SEMA5A: variants seen among roughly 807,000 people sequenced by gnomAD.
SEMA5A encodes the protein semaphorin 5A.
In SEMA5A, 55 loss-of-function variants were observed where a neutral mutation model predicts 135.5. That is an observed-to-expected ratio of 0.41 (90% CI 0.33 to 0.51). SEMA5A has a LOEUF of 0.51. Among genes scored for constraint, SEMA5A ranks in the 20% least tolerant of loss-of-function variants. The probability of loss-of-function intolerance (pLI) is 0.37; values close to 1 mark genes in which losing one functional copy is unlikely to be tolerated. For synonymous variants in SEMA5A, 580 were observed against 546.5 expected, an observed-to-expected ratio of 1.06 and a Z score of -0.85; for missense variants, 1,290 against 1,419.9, an observed-to-expected ratio of 0.91 and a Z score of 1.47.
chr5:9,356,501 G>C (rs562676585), intron 3 of SEMA5A, among the ~76,000 whole-genome samples: 1 of 152,198 alleles, frequency 6.6e-6, no homozygotes. Context: ...AAAAGAAAAG[G>C]CTGCACACAG....
intron 5 of SEMA5A, among the ~76,000 whole-genome samples, chr5:9,245,368 TA>T (rs1213613861): frequency 6.6e-6 from 1 of 152,126 alleles, no homozygotes; most frequent in Non-Finnish European, 1.5e-5. Context: ...CTATCCCCCG[TA>T]GATAAGAGAG....
intron 12 of SEMA5A, among the ~76,000 whole-genome samples, chr5:9,154,063 ATAT>A (rs1248632705): frequency 0.016 from 1,228 of 75,390 alleles, 39 homozygotes; most frequent in African/African-American, 0.026. Flanking sequence ...AAAAAAAAAA[ATAT>A]ATATATATAT....
intron 2 of SEMA5A, among the ~76,000 whole-genome samples, chr5:9,436,755 C>T (rs1184625007): frequency 6.6e-6 from 1 of 152,188 alleles, no homozygotes; most frequent in African/African-American, 2.4e-5. Context: ...TTGTCACTTT[C>T]TCTCACTTTA....
At chr5:9,355,172 C>T (rs1190399353) in intron 3 of SEMA5A, among the ~76,000 whole-genome samples, 7 of 152,134 alleles carry the variant, frequency 4.6e-5, no homozygotes, top group Non-Finnish European at 5.9e-5. Context: ...GGCTGGGTTC[C>T]ACTAAGACAA....
chr5:9,382,540 G>A (rs1755661335), intron 2 of SEMA5A, among the ~76,000 whole-genome samples: 1 of 152,120 alleles, frequency 6.6e-6, no homozygotes, highest in Admixed American at 6.6e-5. Context: ...AAACAAATGG[G>A]GAGGAAGGAA....
intron 3 of SEMA5A, chr5:9,363,486 A>C (rs1203824484): frequency 1.3e-5 from 2 of 152,210 alleles, no homozygotes; most frequent in African/African-American, 4.8e-5. Context: ...TGCCTGAGTG[A>C]GAGAAGTTCT....
At chr5:9,050,925 G>A (rs1160947848) in intron 20 of SEMA5A, among the ~76,000 whole-genome samples, 1 of 152,186 alleles carries the variant, frequency 6.6e-6, no homozygotes, top group Non-Finnish European at 1.5e-5. Flanking sequence ...TCTTCAGGAG[G>A]CCACTGATGC....
chr5:9,103,269 CCCTA>C (rs1739726328), intron 16 of SEMA5A, among the ~76,000 whole-genome samples: 1 of 152,126 alleles, frequency 6.6e-6, no homozygotes, highest in Admixed American at 6.5e-5. Flanking sequence ...ATTCTGCAGA[CCCTA>C]ATGTGCTACA....
At chr5:9,515,683 T>C (rs1462836975) in intron 1 of SEMA5A, among the ~76,000 whole-genome samples, 1 of 152,196 alleles carries the variant, frequency 6.6e-6, no homozygotes, top group East Asian at 1.9e-4. Context: ...GAATAGCAGC[T>C]GTCAGGAAGG....
At chr5:9,308,747 C>G (rs545670260) in intron 5 of SEMA5A, among the ~76,000 whole-genome samples, 51 of 152,230 alleles carry the variant, frequency 3.4e-4, no homozygotes, top group African/African-American at 1.2e-3. Flanking sequence ...AGCTCTACCA[C>G]CTATCAGATG....
intron 3 of SEMA5A, among the ~76,000 whole-genome samples, chr5:9,371,292 C>T (rs1001784125): frequency 3.3e-5 from 5 of 152,004 alleles, no homozygotes; most frequent in Non-Finnish European, 5.9e-5. Flanking sequence ...CTCAATAAAC[C>T]ATTTTCGTCA....
At chr5:9,323,409 C>T (rs1206184597) in intron 4 of SEMA5A, among the ~76,000 whole-genome samples, 2 of 151,876 alleles carry the variant, frequency 1.3e-5, no homozygotes, top group Admixed American at 1.3e-4. Context: ...AAAATAGATA[C>T]AATAATTCTT....
intron 4 of SEMA5A, among the ~76,000 whole-genome samples, chr5:9,322,761 G>T (rs1752687028): frequency 6.6e-6 from 1 of 152,212 alleles, no homozygotes; most frequent in African/African-American, 2.4e-5. Flanking sequence ...GGTGTCCTTT[G>T]TCCCATTATG....
chr5:9,046,376 ACCCCAGTCTGTCTCCT>A (rs1476646842), intron 21 of SEMA5A, among the ~76,000 whole-genome samples: 2 of 151,760 alleles, frequency 1.3e-5, no homozygotes, highest in African/African-American at 4.8e-5. Context: ...CATCGTAACC[ACCCCAGTCTGTCTCCT>A]CCCCAGGGAT....
rs1735997890 is a variant in SEMA5A, at chr5:9,042,172, T to A, written c.*725A>T. 1 of 152,320 alleles carries A rather than the reference T, an allele frequency of 6.6e-6. No individual in the cohort carries two copies. Among genetic ancestry groups the A allele is most frequent in the Admixed American group, 6.5e-5 (1 of 15,278 alleles). The allele number at this position is 152,320 out of a possible 1,614,324, so 9.4% of individuals were successfully genotyped here. A position where few individuals can be genotyped will look rare whatever the true frequency, so the allele number is the denominator to read the frequency against. ...ATCCAAAAGTCAGAATAAGGTGAGT[T>A]TTGCAGCAACCTGCAGAACACATCC... On this transcript the variant is annotated 3_prime_UTR_variant, in exon 23 of 23. Transcript: ENST00000382496.
chr5:9,511,707 AAAAG>A (rs1736214370), intron 1 of SEMA5A, among the ~76,000 whole-genome samples: 1 of 152,254 alleles, frequency 6.6e-6, no homozygotes, highest in African/African-American at 2.4e-5. Context: ...CACCACAAAA[AAAAG>A]AAAGATAAGT....
chr5:9,221,335 CTG>C (rs1746951915), intron 8 of SEMA5A, among the ~76,000 whole-genome samples: 1 of 135,984 alleles, frequency 7.4e-6, no homozygotes, highest in South Asian at 2.3e-4. Flanking sequence ...CGGAGTCTCG[CTG>C]TGTCACCCAG....
intron 8 of SEMA5A, among the ~76,000 whole-genome samples, chr5:9,223,609 T>C (rs1579652246): frequency 6.6e-6 from 1 of 152,184 alleles, no homozygotes; most frequent in Non-Finnish European, 1.5e-5. Context: ...AGTGCTGAGG[T>C]TGAGAAACTC....
intron 3 of SEMA5A, among the ~76,000 whole-genome samples, chr5:9,340,227 G>A (rs1317082611): frequency 6.6e-6 from 1 of 152,156 alleles, no homozygotes; most frequent in East Asian, 1.9e-4. Context: ...CACATGACCA[G>A]GGAGCACTGC....
Sources: allele counts gnomAD v4.1 joint callset (sites outside exome capture counted in the v4.1 genomes callset), GRCh38; gene constraint gnomAD v4.1.1; transcripts MANE v1.5; gene names NCBI Gene and HGNC (gene_info 2026-07-23, HGNC 2026-07-21).